ASTN2: variants seen among roughly 807,000 people sequenced by gnomAD.
The protein encoded by ASTN2 is astrotactin-2.
ASTN2 carries 54 observed loss-of-function variants against 139.8 expected under a neutral mutation model. The ratio of observed to expected loss-of-function variants is 0.39; its 90% CI spans 0.31 to 0.48. ASTN2 has a LOEUF of 0.48. Among genes scored for constraint, ASTN2 ranks in the 20% least tolerant of loss-of-function variants. The probability of loss-of-function intolerance (pLI) is 0.95; values close to 1 mark genes in which losing one functional copy is unlikely to be tolerated. For synonymous variants in ASTN2, 756 were observed against 719.5 expected, an observed-to-expected ratio of 1.05 and a Z score of -0.81; for missense variants, 1,565 against 1,725.1, an observed-to-expected ratio of 0.91 and a Z score of 1.64.
rs140932764 is a variant in ASTN2, at chr9:116,650,512, T to A, written c.3072+1016A>T. On this transcript the variant is annotated intron_variant, in intron 17 of 22. Coordinates refer to ENST00000313400, the MANE Select transcript of ASTN2 (RefSeq NM_001365068.1). ...CTGTAAAAGGGGTACGATATTAAAA[T>A]GAACCATATGAAATTGCCATTTTAT... 5.9e-3 allele frequency among the ~76,000 whole-genome samples: 897 copies of A among 152,270 alleles called. 10 individuals carry two copies. The highest frequency in any genetic ancestry group is 0.02 in the African/African-American group (841 of 41,534).
At chr9:116,752,080 TA>T (rs1263693750) in intron 13 of ASTN2, among the ~76,000 whole-genome samples, 1 of 152,162 alleles carries the variant, frequency 6.6e-6, no homozygotes, top group Non-Finnish European at 1.5e-5. Flanking sequence ...GGACTGACAC[TA>T]CCTGACTTTA....
chr9:116,482,081 C>T (rs1409799958), intron 20 of ASTN2, among the ~76,000 whole-genome samples: 1 of 152,192 alleles, frequency 6.6e-6, no homozygotes, highest in Non-Finnish European at 1.5e-5. Flanking sequence ...AATCCCAGCA[C>T]TTTGGGAGGC....
At chr9:117,203,395 T>C (rs1831797027) in intron 3 of ASTN2, among the ~76,000 whole-genome samples, 2 of 152,044 alleles carry the variant, frequency 1.3e-5, no homozygotes, top group South Asian at 4.2e-4. Flanking sequence ...GATGTGGTGA[T>C]CATGTTGAGG....
intron 2 of ASTN2, among the ~76,000 whole-genome samples, chr9:117,282,812 T>A (rs1055624283): frequency 6.8e-6 from 1 of 148,042 alleles, no homozygotes; most frequent in Admixed American, 6.6e-5. Flanking sequence ...CAGCTGCCGA[T>A]GTGTAAGGTG....
intron 22 of ASTN2, among the ~76,000 whole-genome samples, chr9:116,431,877 C>T (rs895136502): frequency 6.6e-6 from 1 of 152,002 alleles, no homozygotes; most frequent in Non-Finnish European, 1.5e-5. Flanking sequence ...GACACAGTCA[C>T]CCTAAAATTA....
At chr9:116,656,663 G>C (rs1223400857) in intron 16 of ASTN2, among the ~76,000 whole-genome samples, 3 of 139,278 alleles carry the variant, frequency 2.2e-5, no homozygotes, top group Non-Finnish European at 4.6e-5. Flanking sequence ...ATTCCTGCTG[G>C]GTATTATTTT....
chr9:116,537,260 C>T (rs1021694753), intron 19 of ASTN2, among the ~76,000 whole-genome samples: 2 of 152,204 alleles, frequency 1.3e-5, no homozygotes, highest in African/African-American at 4.8e-5. Context: ...TGGAGCTGTT[C>T]CTATTTGGCC....
chr9:117,039,699 T>C, intron 6 of ASTN2, 120 bp downstream of exon 6: 2 of 1,102,902 alleles, frequency 1.8e-6, no homozygotes, highest in Non-Finnish European at 2.4e-6. Context: ...TGCTCCTTTT[T>C]TTCCTCCTGT....
chr9:117,109,845 T>A (rs1224911856), intron 4 of ASTN2, among the ~76,000 whole-genome samples: 1 of 152,196 alleles, frequency 6.6e-6, no homozygotes, highest in African/African-American at 2.4e-5. Flanking sequence ...TTCTCATGAG[T>A]TTGGGCTAAA....
At position 117,052,434 on chromosome 9, in the gene ASTN2, T is replaced by TA. The variant is rs1266282770; in HGVS notation, c.1277-12470dup. The stretch of plus-strand genomic sequence containing the variant: ...CCTGGGCGAGAGAGAGACTCCATCT[T>TA]AAAAAAAAAAAAAAAAAGAAAGAAA... On this transcript the variant is annotated intron_variant, in intron 5 of 22. Coordinates refer to ENST00000313400, the MANE Select transcript of ASTN2 (RefSeq NM_001365068.1). 9.5e-4 allele frequency among the ~76,000 whole-genome samples: 131 copies of TA among 137,224 alleles called. 2 individuals are homozygous for TA. The highest frequency in any genetic ancestry group is 4.0e-3 in the Admixed American group (54 of 13,404). 90.0% of individuals were successfully genotyped at this position (137,224 alleles called of 152,430 possible). A position where few individuals can be genotyped will look rare whatever the true frequency, so the allele number is the denominator to read the frequency against.
At chr9:117,352,937 C>T (rs1386482945) in intron 1 of ASTN2, among the ~76,000 whole-genome samples, 2 of 152,088 alleles carry the variant, frequency 1.3e-5, no homozygotes, top group Non-Finnish European at 2.9e-5. Flanking sequence ...AGTGACTTCA[C>T]TTACATGAAA....
Position 116,775,119 on chromosome 9 carries a change from G to A in ASTN2, c.2396+30513C>T, listed in dbSNP as rs542689172. Among the ~76,000 whole-genome samples the A allele has an allele frequency of 6.6e-5, 10 of 152,174 alleles. No homozygotes were observed. The East Asian group carries it at 1.7e-3, about 27-fold the overall frequency. ...AAGGGAATGGAATGGGATTCAGGTC[G>A]GAAAAGACTATCTGTTATCCAGTCC... On this transcript the variant is annotated intron_variant, in intron 13 of 22. Transcript: ENST00000313400.
rs746996763 is a variant in ASTN2, at chr9:117,008,252, G to A, written c.1431C>T (p.Ser477=). 8 of 1,600,558 alleles carry A rather than the reference G, an allele frequency of 5.0e-6. No individual in the cohort carries two copies. The highest frequency in any genetic ancestry group is 6.0e-6 in the Non-Finnish European group (7 of 1,173,474). ...VPEHFIADGS[S]FVVSEGSYLD... is the part of the protein sequence containing the mutation. ...GGTAGCTCCCTTCACTCACCACGAA[G>A]CTGCTTCCTATGGGTGAACGGAGAG... The change falls in exon 7 of 23, where the codon AGC becomes AGT. Residue 477 remains serine, a synonymous_variant. Coordinates refer to ENST00000313400, the MANE Select transcript of ASTN2 (RefSeq NM_001365068.1).
intron 10 of ASTN2, among the ~76,000 whole-genome samples, chr9:116,921,410 A>G (rs1282288574): frequency 1.3e-5 from 2 of 151,858 alleles, no homozygotes; most frequent in Non-Finnish European, 2.9e-5. Context: ...AACACGGTGA[A>G]ACTCTGTCTG....
chr9:116,679,383 T>C (rs1213059467), intron 16 of ASTN2, among the ~76,000 whole-genome samples: 1 of 152,136 alleles, frequency 6.6e-6, no homozygotes, highest in Non-Finnish European at 1.5e-5. Flanking sequence ...CACTGTCAAA[T>C]AGGAAATGAT....
At chr9:116,997,575 A>G (rs1310258662) in intron 7 of ASTN2, among the ~76,000 whole-genome samples, 3 of 152,196 alleles carry the variant, frequency 2.0e-5, no homozygotes, top group Non-Finnish European at 2.9e-5. Context: ...GGGGAATCCC[A>G]GAATGCCTCT....
At chr9:116,763,643 T>C (rs1006781221) in intron 13 of ASTN2, among the ~76,000 whole-genome samples, 1 of 152,136 alleles carries the variant, frequency 6.6e-6, no homozygotes, top group East Asian at 1.9e-4. Context: ...CCCACAATGA[T>C]TGGCTGTGTG....
At chr9:116,800,789 C>T (rs755078583) in intron 13 of ASTN2, among the ~76,000 whole-genome samples, 3 of 152,104 alleles carry the variant, frequency 2.0e-5, no homozygotes, top group East Asian at 1.9e-4. Context: ...CCTGAGCTTC[C>T]GTTTCTCCAT....
intron 2 of ASTN2, among the ~76,000 whole-genome samples, chr9:117,236,233 C>T (rs769241001): frequency 6.6e-6 from 1 of 152,292 alleles, no homozygotes; most frequent in Middle Eastern, 3.4e-3. Flanking sequence ...TACCAAAACA[C>T]GAGGACTAAA....
Sources: gnomAD v4.1 joint callset for allele counts (sites outside exome capture counted in the v4.1 genomes callset) on GRCh38, gnomAD v4.1.1 for gene constraint, MANE v1.5 for transcripts, NCBI Gene and HGNC (gene_info 2026-07-23, HGNC 2026-07-21) for gene names.